Variants in TMEM132D observed in about 807,000 individuals in gnomAD.
TMEM132D encodes the protein transmembrane protein 132D.
A neutral mutation model predicts 62.3 loss-of-function variants in TMEM132D; 21 were observed. The observed-to-expected ratio is 0.34, with a 90% CI of 0.24 to 0.49. The LOEUF (loss-of-function observed/expected upper bound fraction) is 0.49, where lower values mean the gene tolerates loss of function less well. TMEM132D is among the 20% of genes least tolerant of loss of function. The pLI is 0.99. For missense variants in TMEM132D, 1,346 were observed against 1,402.8 expected, an observed-to-expected ratio of 0.96 and a Z score of 0.65; for synonymous variants, 621 against 575.6, an observed-to-expected ratio of 1.08 and a Z score of -1.13.
At chr12:129,660,933 T>G (rs1042511446) in intron 2 of TMEM132D, among the ~76,000 whole-genome samples, 1 of 152,156 alleles carries the variant, frequency 6.6e-6, no homozygotes, top group Admixed American at 6.5e-5. Context: ...CCTGGGTGAC[T>G]CAAATGCACT....
intron 2 of TMEM132D, among the ~76,000 whole-genome samples, chr12:129,567,318 A>G (rs1003840568): frequency 6.6e-6 from 1 of 152,258 alleles, no homozygotes; most frequent in African/African-American, 2.4e-5. Context: ...ATATTATACA[A>G]TCACGTGTAG....
intron 2 of TMEM132D, among the ~76,000 whole-genome samples, chr12:129,632,368 A>G (rs895698014): frequency 2.0e-5 from 3 of 152,206 alleles, no homozygotes; most frequent in African/African-American, 4.8e-5. Context: ...TTTCGGCAGT[A>G]AAAACAAGGA....
intron 2 of TMEM132D, among the ~76,000 whole-genome samples, chr12:129,541,680 G>A (rs1008482309): frequency 2.0e-5 from 3 of 152,060 alleles, no homozygotes; most frequent in African/African-American, 7.2e-5. Context: ...CTCATTCTTC[G>A]CATGTCACTG....
intron 2 of TMEM132D, among the ~76,000 whole-genome samples, chr12:129,568,076 A>G (rs1020690231): frequency 1.4e-4 from 21 of 152,320 alleles, no homozygotes; most frequent in African/African-American, 4.8e-4. Flanking sequence ...TGAGGTGTCT[A>G]TTACAGGAGC....
At chr12:129,539,632 A>C (rs1265586206) in intron 2 of TMEM132D, among the ~76,000 whole-genome samples, 1 of 150,030 alleles carries the variant, frequency 6.7e-6, no homozygotes. Context: ...GACTGATTTC[A>C]AACTCCTGGG....
At chr12:129,180,334 C>T (rs77493195) in intron 5 of TMEM132D, among the ~76,000 whole-genome samples, 11,882 of 152,216 alleles carry the variant, frequency 0.078, 555 homozygotes, top group Middle Eastern at 0.12. Flanking sequence ...AGGATTGCAA[C>T]GCCCAGCTTT....
intron 1 of TMEM132D, among the ~76,000 whole-genome samples, chr12:129,863,679 T>G (rs1952160873): frequency 6.6e-6 from 1 of 152,112 alleles, no homozygotes; most frequent in African/African-American, 2.4e-5. Flanking sequence ...TCAGCTGTCC[T>G]CCCCAGAAAA....
At chr12:129,873,425 C>T (rs186582610) in intron 1 of TMEM132D, among the ~76,000 whole-genome samples, 58 of 152,302 alleles carry the variant, frequency 3.8e-4, no homozygotes, top group African/African-American at 1.3e-3. Context: ...AAAAGAGAAC[C>T]AGACTGCCGT....
chr12:129,881,616 A>T (rs1874600053), intron 1 of TMEM132D, among the ~76,000 whole-genome samples: 1 of 152,054 alleles, frequency 6.6e-6, no homozygotes, highest in African/African-American at 2.4e-5. Context: ...TAAGGAAGTT[A>T]TAAGGGACAT....
At chr12:129,703,044 A>T (rs941963673) in intron 1 of TMEM132D, among the ~76,000 whole-genome samples, 1 of 152,184 alleles carries the variant, frequency 6.6e-6, no homozygotes, top group African/African-American at 2.4e-5. Context: ...AGTGTCCCCT[A>T]TTGTTAAAAA....
At chr12:129,415,776 A>G (rs891011102) in intron 3 of TMEM132D, among the ~76,000 whole-genome samples, 4 of 152,192 alleles carry the variant, frequency 2.6e-5, no homozygotes, top group African/African-American at 7.2e-5. Context: ...CCCATCCTTA[A>G]GGACCATCCA....
At chr12:129,617,647 G>C (rs771952432) in intron 2 of TMEM132D, among the ~76,000 whole-genome samples, 3 of 152,146 alleles carry the variant, frequency 2.0e-5, no homozygotes, top group Non-Finnish European at 2.9e-5. Context: ...CGATGAACCA[G>C]GAGATAAAGT....
chr12:129,471,469 C>T (rs1874090720), intron 3 of TMEM132D, among the ~76,000 whole-genome samples: 2 of 152,140 alleles, frequency 1.3e-5, no homozygotes, highest in African/African-American at 4.8e-5. Context: ...TGTGTTCTGC[C>T]TGCTCCACCA....
intron 1 of TMEM132D, among the ~76,000 whole-genome samples, chr12:129,744,294 C>A (rs368572491): frequency 6.6e-6 from 1 of 152,122 alleles, no homozygotes; most frequent in Non-Finnish European, 1.5e-5. Context: ...TGAGATCGCT[C>A]CAAGGATGTA....
At position 129,867,628 on chromosome 12, in the gene TMEM132D, A is replaced by G. The variant is rs1874100342; in HGVS notation, c.79+35633T>C. On this transcript the variant is annotated intron_variant, in intron 1 of 8. Coordinates refer to ENST00000422113, the MANE Select transcript of TMEM132D (RefSeq NM_133448.3). The surrounding 1 kb of genome is among the most constrained non-coding windows in gnomAD (Gnocchi z 4.5). ...CTCATAAAAAGAGAAAGTAAAACAA[A>G]GAAAACCGTCACTGTAGAAAGGGAT... Among the ~76,000 whole-genome samples, 1 of 152,236 alleles carries G rather than the reference A, an allele frequency of 6.6e-6. No individual in the cohort carries two copies. Among genetic ancestry groups the G allele is most frequent in the Non-Finnish European group, 1.5e-5 (1 of 68,046 alleles).
chr12:129,457,440 TG>T (rs1873509168), intron 3 of TMEM132D, among the ~76,000 whole-genome samples: 1 of 50,614 alleles, frequency 2.0e-5, no homozygotes, highest in African/African-American at 6.1e-5. Context: ...GGGCCTGTTG[TG>T]GGGTAGGGGG....
At chr12:129,226,163 C>T (rs1879475488) in intron 4 of TMEM132D, among the ~76,000 whole-genome samples, 2 of 152,210 alleles carry the variant, frequency 1.3e-5, no homozygotes, top group Non-Finnish European at 2.9e-5. Context: ...ACTTCATTGC[C>T]AAGACCAGTG....
chr12:129,073,592 G>T lies in TMEM132D; in HGVS notation c.*283C>A, dbSNP rs1033893195. The T allele has an allele frequency of 9.1e-6, 3 of 328,916 alleles. No individual in the cohort carries two copies. Among genetic ancestry groups the T allele is most frequent in the Non-Finnish European group, 1.7e-5 (3 of 181,058 alleles). The allele number at this position is 328,916 out of a possible 1,614,324, so 20.4% of individuals were successfully genotyped here. A position where few individuals can be genotyped will look rare whatever the true frequency, so the allele number is the denominator to read the frequency against. On this transcript the variant is annotated 3_prime_UTR_variant, in exon 9 of 9. Coordinates refer to ENST00000422113, the MANE Select transcript of TMEM132D (RefSeq NM_133448.3). ...AGAGAGAGGCTGTTCTTTCCTGGACGCTCTCAGACGCTCAGTGATTCAGAA... is the reference window on the plus strand; with the variant it reads ...AGAGAGAGGCTGTTCTTTCCTGGACTCTCTCAGACGCTCAGTGATTCAGAA...
intron 4 of TMEM132D, among the ~76,000 whole-genome samples, chr12:129,217,839 A>G (rs78760983): frequency 2.0e-5 from 3 of 152,218 alleles, no homozygotes; most frequent in Non-Finnish European, 4.4e-5. Flanking sequence ...AAGGAAAACA[A>G]TGAGTCACTA....
Sources: gnomAD v4.1 joint callset for allele counts (sites outside exome capture counted in the v4.1 genomes callset) on GRCh38, gnomAD v4.1.1 for gene constraint, Gnocchi (gnomAD v3.1) non-coding constraint, MANE v1.5 for transcripts, NCBI Gene and HGNC (gene_info 2026-07-23, HGNC 2026-07-21) for gene names.